The following EVC2 variants were observed in gnomAD, a reference collection of about 807,000 sequenced individuals.
EVC2 encodes EvC ciliary complex subunit 2.
A neutral mutation model predicts 149.3 loss-of-function variants in EVC2; 148 were observed. That is an observed-to-expected ratio of 0.99 (90% CI 0.87 to 1.14). The LOEUF (loss-of-function observed/expected upper bound fraction) is 1.14, where lower values mean the gene tolerates loss of function less well. Among genes scored for constraint, EVC2 ranks in the 50% most tolerant of loss-of-function variants. EVC2 has a pLI of 0.00. For missense variants in EVC2, 1,854 were observed against 1,627.3 expected (o/e 1.14, Z -2.40); for synonymous variants, 776 against 649.9 (o/e 1.19, Z -2.95).
chr4:5,588,830 T>C (rs1316426220), intron 16 of EVC2, among the ~76,000 whole-genome samples: 3 of 152,202 alleles, frequency 2.0e-5, no homozygotes, highest in Non-Finnish European at 4.4e-5. Flanking sequence ...TTTACCCCAT[T>C]TATGCTGGAG....
At position 5,625,307 on chromosome 4, in the gene EVC2, T is replaced by C. The variant is rs1020870135; in HGVS notation, c.2046+442A>G. On this transcript the variant is annotated intron_variant, in intron 13 of 21. Coordinates refer to ENST00000344408, the MANE Select transcript of EVC2 (RefSeq NM_147127.5). The surrounding 1 kb of genome is among the most constrained non-coding windows in gnomAD (Gnocchi z 4.0). ...CTTACTAGATATTTGACCTTGACCA[T>C]ACACACACACACACACACACACACA... Among the ~76,000 whole-genome samples the C allele has an allele frequency of 5.0e-5, 7 of 139,780 alleles. No individual in the cohort carries two copies. The highest frequency in any genetic ancestry group is 2.4e-4 in the South Asian group (1 of 4,126). The allele number at this position is 139,780 out of a possible 152,430, so 91.7% of individuals were successfully genotyped here.
intron 7 of EVC2, among the ~76,000 whole-genome samples, chr4:5,668,972 T>C (rs1577230525): frequency 6.6e-6 from 1 of 152,292 alleles, no homozygotes; most frequent in South Asian, 2.1e-4. Context: ...AATGATCGTG[T>C]CTTCATGAGG....
chr4:5,646,931 C>T (rs1219685191), intron 9 of EVC2, among the ~76,000 whole-genome samples: 1 of 152,174 alleles, frequency 6.6e-6, no homozygotes, highest in African/African-American at 2.4e-5. Context: ...CTTTGTACCT[C>T]CCTGAGGAAA....
At position 5,686,624 on chromosome 4, in the gene EVC2, T is replaced by G. The variant is rs972553955; in HGVS notation, c.707-1145A>C. ...GACTGGCTTAGGATCACCCCGCTGA[T>G]GGACAGGGAGCCACCTGACCCTCTG... On this transcript the variant is annotated intron_variant, in intron 5 of 21. Transcript: ENST00000344408. This position sits in a 1 kb window ranked among gnomAD's most constrained non-coding sequence, Gnocchi z 5.4. Among the ~76,000 whole-genome samples, 1 of 152,160 alleles carries G rather than the reference T, an allele frequency of 6.6e-6. No individual in the cohort carries two copies. The highest frequency in any genetic ancestry group is 2.4e-5 in the African/African-American group (1 of 41,444).
Position 5,584,646 on chromosome 4 carries a change from G to A in EVC2, c.3034C>T (p.Gln1012Ter). ...SEMLTKSACT[Q>*]ILESHSRELQ... Reference sequence around the variant, plus strand: ...ACCCGGCTGTGCGACTCCAGGATCTGTGTGCAGGCCGACTTGGTCAGCATC... The same window carrying A: ...ACCCGGCTGTGCGACTCCAGGATCTATGTGCAGGCCGACTTGGTCAGCATC... Residue 1012 changes from glutamine to a stop codon, truncating the protein, a stop_gained, in exon 17 of 22, where the codon CAG becomes TAG. Transcript: ENST00000344408. LOFTEE classifies it high-confidence loss of function. The A allele has an allele frequency of 1.2e-6, 2 of 1,613,744 alleles. No individual in the cohort carries two copies. The highest frequency in any genetic ancestry group is 2.2e-5 in the South Asian group (2 of 90,948).
chr4:5,531,153 A>T, the EVC2 span, among the ~76,000 whole-genome samples: 1 of 152,156 alleles, frequency 6.6e-6, no homozygotes, highest in African/African-American at 2.4e-5. Context: ...GTGGCGGCCT[A>T]CATCAGCTGG....
Position 5,626,956 on chromosome 4 carries a change from G to A in EVC2, c.1887-1048C>T, listed in dbSNP as rs561312116. Among the ~76,000 whole-genome samples the A allele has an allele frequency of 3.5e-3, 526 of 152,296 alleles. 4 individuals are homozygous for A. Among genetic ancestry groups the A allele is most frequent in the African/African-American group, 0.012 (507 of 41,568 alleles). ...TTCCTGGGTCTCCAGCTTGCAGGCA[G>A]CAGACAATGGGATTTCTCAACCTCC... On this transcript the variant is annotated intron_variant, in intron 12 of 21. Transcript: ENST00000344408.
At position 5,689,347 on chromosome 4, in the gene EVC2, G is replaced by A. The variant is rs764449545; in HGVS notation, c.520-4C>T. The A allele has an allele frequency of 1.9e-6, 3 of 1,614,024 alleles. No homozygotes were observed. Among genetic ancestry groups the A allele is most frequent in the South Asian group, 1.1e-5 (1 of 91,058 alleles). ...GTGCTTCACTCGACCCAGACACCTA[G>A]GGCAGAAGGAGAAGGCATGAGGGCA... On this transcript the variant is annotated splice_region_variant and splice_polypyrimidine_tract_variant and intron_variant, in intron 4 of 21. Transcript: ENST00000344408.
chr4:5,530,357 A>G, the EVC2 span, among the ~76,000 whole-genome samples: 51 of 152,186 alleles, frequency 3.4e-4, 1 homozygote, highest in East Asian at 6.4e-3. Context: ...CTTTCCACGA[A>G]ATTGCGTGTG....
chr4:5,636,019 T>C lies in EVC2; in HGVS notation c.1471-3987A>G, dbSNP rs1453657755. Among the ~76,000 whole-genome samples the C allele has an allele frequency of 6.6e-6, 1 of 152,206 alleles. No individual in the cohort carries two copies. The highest frequency in any genetic ancestry group is 2.1e-4 in the South Asian group (1 of 4,828). ...TCAGTTATGAATCATAATAAACCCT[T>C]GTCCAAGGTTGACTCAGCGCCGAGC... is the stretch of plus-strand genomic sequence containing the variant. On this transcript the variant is annotated intron_variant, in intron 10 of 21. Coordinates refer to ENST00000344408, the MANE Select transcript of EVC2 (RefSeq NM_147127.5). This position sits in a 1 kb window ranked among gnomAD's most constrained non-coding sequence, Gnocchi z 4.6.
Position 5,689,259 on chromosome 4 carries a change from C to A in EVC2, c.604G>T (p.Glu202Ter). ...GCAATGCTGTCCAGCAAGAGCAGCT[C>A]CGAGAGGTTGGCTGACGAGGTTGTC... ...TKTTSSANLS[E>*]LLLLDSIAGL... Residue 202 changes from glutamate to a stop codon, truncating the protein, a stop_gained, in exon 5 of 22, where the codon GAG (glutamate) becomes TAG (stop). Transcript: ENST00000344408. LOFTEE classifies it high-confidence loss of function. 1 of 1,614,196 alleles carries A rather than the reference C, an allele frequency of 6.2e-7. No homozygotes were observed. Among genetic ancestry groups the A allele is most frequent in the Non-Finnish European group, 8.5e-7 (1 of 1,180,036 alleles).
the EVC2 span, among the ~76,000 whole-genome samples, chr4:5,531,893 C>T: frequency 8.5e-5 from 13 of 152,160 alleles, no homozygotes; most frequent in East Asian, 3.9e-4. Context: ...TTCATGCAAC[C>T]GGTCCCTGGT....
chr4:5,620,810 C>T (rs1488979006), intron 14 of EVC2, among the ~76,000 whole-genome samples: 2 of 152,156 alleles, frequency 1.3e-5, no homozygotes, highest in African/African-American at 4.8e-5. Context: ...AAGAAAATGA[C>T]CAGCTGGTAA....
At chr4:5,599,352 A>G (rs1713762322) in intron 16 of EVC2, among the ~76,000 whole-genome samples, 1 of 152,154 alleles carries the variant, frequency 6.6e-6, no homozygotes, top group African/African-American at 2.4e-5. Flanking sequence ...CTGGATTAAG[A>G]AAATGTGGCA....
At chr4:5,595,476 T>A (rs1713304476) in intron 16 of EVC2, among the ~76,000 whole-genome samples, 1 of 152,116 alleles carries the variant, frequency 6.6e-6, no homozygotes, top group African/African-American at 2.4e-5. Flanking sequence ...CTAAGCTTCA[T>A]AAGTGAAGGA....
At chr4:5,635,914 C>T (rs1027660033) in intron 10 of EVC2, among the ~76,000 whole-genome samples, 2 of 152,304 alleles carry the variant, frequency 1.3e-5, no homozygotes. Flanking sequence ...ACTTCCCCTC[C>T]GGGCTTCGGT....
intron 18 of EVC2, 63 bp from the exon 19 acceptor site, chr4:5,574,835 C>G (rs1379726517): frequency 2.7e-6 from 4 of 1,483,620 alleles, no homozygotes; most frequent in Admixed American, 1.7e-5. Context: ...ATGAGATCAT[C>G]TAGTTATTTA....
Position 5,694,436 on chromosome 4 carries a change from C to G in EVC2, c.349G>C (p.Ala117Pro). ...MEVFIPLSTS[A>P]ASSGPWAHSL... ...TGAGCCCATGGCCCACTAGAGGCTG[C>G]AGAAGTTGAGAGTGGGATGAAGACT... is the stretch of plus-strand genomic sequence containing the variant. The change falls in exon 3 of 22, where the codon GCA becomes CCA. Residue 117 changes from alanine (A) to proline (P), a missense_variant. Ala to Pro is a conservative substitution (Grantham distance 27). Transcript: ENST00000344408. 1 of 1,614,172 alleles carries G rather than the reference C, an allele frequency of 6.2e-7. No individual in the cohort carries two copies. The highest frequency in any genetic ancestry group is 8.5e-7 in the Non-Finnish European group (1 of 1,180,026).
intron 16 of EVC2, among the ~76,000 whole-genome samples, chr4:5,596,261 T>C (rs979915208): frequency 2.6e-5 from 4 of 152,122 alleles, no homozygotes; most frequent in African/African-American, 9.7e-5. Context: ...ATCAACAGAA[T>C]ATACATTTTT....
Sources: allele counts gnomAD v4.1 joint callset (sites outside exome capture counted in the v4.1 genomes callset), GRCh38; gene constraint gnomAD v4.1.1; non-coding constraint Gnocchi (gnomAD v3.1); transcripts MANE v1.5; gene names NCBI Gene and HGNC (gene_info 2026-07-23, HGNC 2026-07-21).